The following ERBB4 variants were observed in gnomAD, a reference collection of about 807,000 sequenced individuals.
ERBB4 encodes receptor tyrosine-protein kinase erbB-4.
Under a neutral mutation model 158.0 loss-of-function variants are expected in ERBB4, and 42 were observed. That is an observed-to-expected ratio of 0.27 (90% CI 0.21 to 0.34). ERBB4 has a LOEUF of 0.34. Ranked by LOEUF, ERBB4 falls within the 10% of genes least tolerant of loss-of-function variation. The pLI, the probability that ERBB4 is intolerant of heterozygous loss-of-function variation, is 1.00. For synonymous variants in ERBB4, 583 were observed against 558.7 expected, an observed-to-expected ratio of 1.04 and a Z score of -0.61; for missense variants, 1,333 against 1,624.1, an observed-to-expected ratio of 0.82 and a Z score of 3.08.
chr2:212,070,903 G>A (rs892361494), intron 2 of ERBB4, among the ~76,000 whole-genome samples: 3 of 151,076 alleles, frequency 2.0e-5, no homozygotes, highest in Non-Finnish European at 4.4e-5. Context: ...AAATGTCCCC[G>A]TTTTCTCTAA....
chr2:211,900,713 G>A (rs2079212801), intron 3 of ERBB4, among the ~76,000 whole-genome samples: 1 of 151,960 alleles, frequency 6.6e-6, no homozygotes, highest in Admixed American at 6.6e-5. Flanking sequence ...TGGACTCAAG[G>A]CACTTAGAAT....
At chr2:212,526,087 T>G (rs1038682890) in intron 1 of ERBB4, among the ~76,000 whole-genome samples, 1 of 152,050 alleles carries the variant, frequency 6.6e-6, no homozygotes, top group African/African-American at 2.4e-5. Context: ...GTAAGAAATA[T>G]GTTACTTATA....
At chr2:212,370,473 G>T (rs1212839318) in intron 1 of ERBB4, among the ~76,000 whole-genome samples, 2 of 152,038 alleles carry the variant, frequency 1.3e-5, no homozygotes, top group African/African-American at 2.4e-5. Context: ...TAGCTAGTTG[G>T]ATATATAAGG....
At chr2:211,566,021 C>T (rs1368166610) in intron 19 of ERBB4, among the ~76,000 whole-genome samples, 1 of 152,170 alleles carries the variant, frequency 6.6e-6, no homozygotes, top group Non-Finnish European at 1.5e-5. Flanking sequence ...TCTTGCTGAG[C>T]CCACCAGGAC....
intron 3 of ERBB4, among the ~76,000 whole-genome samples, chr2:211,871,939 G>A (rs979932737): frequency 6.6e-6 from 1 of 152,026 alleles, no homozygotes. Flanking sequence ...ACATCTAAAG[G>A]GGAGGAAGTT....
At chr2:212,536,116 A>C (rs1693043354) in intron 1 of ERBB4, among the ~76,000 whole-genome samples, 1 of 151,908 alleles carries the variant, frequency 6.6e-6, no homozygotes, top group Admixed American at 6.6e-5. Context: ...ACCAAAACAA[A>C]CTCCTCCAAA....
intron 4 of ERBB4, among the ~76,000 whole-genome samples, chr2:211,760,670 C>T (rs1408433530): frequency 6.6e-6 from 1 of 152,120 alleles, no homozygotes; most frequent in Non-Finnish European, 1.5e-5. Flanking sequence ...GGTTAGTTAA[C>T]TTATTTCACT....
intron 3 of ERBB4, among the ~76,000 whole-genome samples, chr2:211,843,436 C>CAT (rs1260259534): frequency 6.6e-6 from 1 of 151,882 alleles, no homozygotes. Context: ...CACACACACA[C>CAT]AGCATCAAAC....
chr2:212,297,612 C>T (rs2086460423), intron 1 of ERBB4, among the ~76,000 whole-genome samples: 2 of 151,358 alleles, frequency 1.3e-5, no homozygotes, highest in South Asian at 4.2e-4. Flanking sequence ...AAAGATCAAA[C>T]AAAACATTAT....
chr2:212,121,379 A>T (rs1288085230), intron 2 of ERBB4, among the ~76,000 whole-genome samples: 1 of 151,936 alleles, frequency 6.6e-6, no homozygotes, highest in Non-Finnish European at 1.5e-5. Flanking sequence ...CACCTAATTA[A>T]TTTTTGTATT....
At chr2:211,633,069 A>G (rs1328734912) in intron 16 of ERBB4, among the ~76,000 whole-genome samples, 3 of 152,160 alleles carry the variant, frequency 2.0e-5, no homozygotes, top group Non-Finnish European at 4.4e-5. Context: ...GGAATATTCC[A>G]TAAGACAACT....
intron 1 of ERBB4, among the ~76,000 whole-genome samples, chr2:212,262,560 G>T (rs199687143): frequency 6.6e-6 from 1 of 152,094 alleles, no homozygotes; most frequent in East Asian, 1.9e-4. Context: ...TGAACCCATT[G>T]TTATGCTCCC....
At chr2:212,219,773 C>A (rs1356202908) in intron 1 of ERBB4, among the ~76,000 whole-genome samples, 1 of 151,190 alleles carries the variant, frequency 6.6e-6, no homozygotes, top group Non-Finnish European at 1.5e-5. Context: ...AAATTGTGTG[C>A]ATGGCCAAAT....
chr2:212,431,872 G>A (rs528796170), intron 1 of ERBB4, among the ~76,000 whole-genome samples: 1 of 152,184 alleles, frequency 6.6e-6, no homozygotes, highest in Non-Finnish European at 1.5e-5. Flanking sequence ...GGCACCCTAC[G>A]TGAAACTATA....
At chr2:211,426,124 T>G (rs1002469390) in intron 22 of ERBB4, among the ~76,000 whole-genome samples, 13 of 18,164 alleles carry the variant, frequency 7.2e-4, no homozygotes, top group African/African-American at 2.2e-3. Context: ...ATAGAAAATA[T>G]AAAATACAAA....
intron 1 of ERBB4, among the ~76,000 whole-genome samples, chr2:212,450,017 A>C (rs1441562208): frequency 1.3e-5 from 2 of 152,204 alleles, no homozygotes; most frequent in Non-Finnish European, 2.9e-5. Context: ...GTGTTTAAAA[A>C]GGAATGAATC....
chr2:212,052,067 GA>G (rs1366359988), intron 2 of ERBB4, among the ~76,000 whole-genome samples: 3 of 152,178 alleles, frequency 2.0e-5, no homozygotes, highest in Non-Finnish European at 2.9e-5. Context: ...TGAGTCAGTG[GA>G]ATGGGAGAAG....
chr2:211,939,143 C>T (rs1166581140), intron 3 of ERBB4, among the ~76,000 whole-genome samples: 5 of 152,058 alleles, frequency 3.3e-5, no homozygotes, highest in Admixed American at 6.6e-5. Context: ...AGCCTTAAGA[C>T]CTATTGCTCA....
chr2:211,897,534 T>C (rs1287394975), intron 3 of ERBB4, among the ~76,000 whole-genome samples: 4 of 151,894 alleles, frequency 2.6e-5, no homozygotes, highest in African/African-American at 9.7e-5. Context: ...TAGATTCATA[T>C]ACCCACTTTG....
Sources: allele counts gnomAD v4.1 joint callset (sites outside exome capture counted in the v4.1 genomes callset), GRCh38; gene constraint gnomAD v4.1.1; transcripts MANE v1.5; gene names NCBI Gene and HGNC (gene_info 2026-07-23, HGNC 2026-07-21).